NMI: variants seen among roughly 807,000 people sequenced by gnomAD.
NMI encodes the protein N-myc and STAT interactor.
A neutral mutation model predicts 34.3 loss-of-function variants in NMI; 39 were observed. The observed-to-expected ratio is 1.14, with a 90% confidence interval of 0.88 to 1.49. NMI has a LOEUF of 1.49. Among genes scored for constraint, NMI ranks in the 40% most tolerant of loss-of-function variants. NMI has a pLI of 0.00. For synonymous variants in NMI, 113 were observed against 120.3 expected (o/e 0.94, Z 0.40); for missense variants, 339 against 358.1 (o/e 0.95, Z 0.43).
rs774377504 is a variant in NMI, at chr2:151,282,945, C to T, written c.4G>A (p.Glu2Lys). The change falls in exon 2 of 8, where the codon GAA (glutamate) becomes AAA (lysine). Residue 2 changes from glutamate to lysine, a missense_variant. By Grantham distance (56) the Glu-to-Lys change is moderately conservative. Transcript: ENST00000243346. Reference sequence around the variant, plus strand: ...TGTTGTGTGTCATCTTTATCAGCTTCCATGATCCCCTAATATTATAAAAAA... The same window carrying T: ...TGTTGTGTGTCATCTTTATCAGCTTTCATGATCCCCTAATATTATAAAAAA... MEADKDDTQQIL... is the reference protein window; with the variant it reads MKADKDDTQQIL... The T allele has an allele frequency of 1.4e-6, 2 of 1,478,072 alleles. No homozygotes were observed. The highest frequency in any genetic ancestry group is 2.2e-5 in the Admixed American group (1 of 45,008). The allele number at this position is 1,478,072 out of a possible 1,614,324, so 91.6% of individuals were successfully genotyped here.
chr2:151,271,401 T>C (rs558442643), intron 7 of NMI, among the ~76,000 whole-genome samples: 15 of 152,348 alleles, frequency 9.8e-5, no homozygotes, highest in Admixed American at 7.8e-4. Context: ...TGCCATTATC[T>C]GAGTAATTTC....
intron 6 of NMI, among the ~76,000 whole-genome samples, chr2:151,274,577 G>A (rs574395316): frequency 6.6e-6 from 1 of 150,502 alleles, no homozygotes; most frequent in African/African-American, 2.4e-5. Flanking sequence ...CTGGGTTCAA[G>A]CTATTCTCCT....
Position 151,280,925 on chromosome 2 carries a change from C to G in NMI, c.177+1023G>C, listed in dbSNP as rs1342267805. On this transcript the variant is annotated intron_variant, in intron 3 of 7. Transcript: ENST00000243346. ...TGGTGTGATCTCAGCTCATCGCGACCTCCGCCTCCCAGGTTCAAGCAATTC... is the reference window on the plus strand; with the variant it reads ...TGGTGTGATCTCAGCTCATCGCGACGTCCGCCTCCCAGGTTCAAGCAATTC... 2.0e-5 allele frequency among the ~76,000 whole-genome samples: 3 copies of G among 152,108 alleles called. No individual in the cohort carries two copies. In the East Asian group the frequency reaches 5.8e-4, roughly 29 times the overall value.
chr2:151,284,201 C>CA (rs930782317), intron 1 of NMI, among the ~76,000 whole-genome samples: 11 of 151,838 alleles, frequency 7.2e-5, no homozygotes, highest in Admixed American at 2.0e-4. Context: ...ACTAAAAATA[C>CA]AAAAAAAATT....
In NMI at chr2:151,278,866, T is replaced by G. The variant is rs1683336291; in HGVS notation, c.302A>C (p.Gln101Pro). The G allele has an allele frequency of 6.2e-7, 1 of 1,613,682 alleles. No homozygotes were observed. The highest frequency in any genetic ancestry group is 1.3e-5 in the African/African-American group (1 of 75,060). Reference sequence around the variant, plus strand: ...AAAGGTGATAAGTGCTTGTCCTTTTTGTATCTCATAAGGAACTTTCGAGCT... The same window carrying G: ...AAAGGTGATAAGTGCTTGTCCTTTTGGTATCTCATAAGGAACTTTCGAGCT... ...QVSSKVPYEI[Q>P]KGQALITFEK... The change falls in exon 4 of 8, where the codon CAA (glutamine) becomes CCA (proline). Residue 101 changes from glutamine to proline, a missense_variant. Transcript: ENST00000243346.
intron 1 of NMI, among the ~76,000 whole-genome samples, chr2:151,283,888 C>T (rs1683449650): frequency 6.6e-6 from 1 of 152,180 alleles, no homozygotes; most frequent in South Asian, 2.1e-4. Flanking sequence ...CAATAGAAAG[C>T]ACAGATAGTT....
intron 3 of NMI, among the ~76,000 whole-genome samples, chr2:151,280,105 G>C (rs1340847777): frequency 1.3e-5 from 2 of 149,926 alleles, no homozygotes; most frequent in Admixed American, 6.8e-5. Flanking sequence ...TGAGGCAGGA[G>C]AATCGCTTGA....
chr2:151,276,477 A>G (rs1016564956), intron 4 of NMI, among the ~76,000 whole-genome samples: 2 of 152,176 alleles, frequency 1.3e-5, no homozygotes, highest in Admixed American at 6.5e-5. Context: ...GATAAGCCTA[A>G]CAATCTTCCA....
At chr2:151,280,098 G>A (rs1456842332) in intron 3 of NMI, among the ~76,000 whole-genome samples, 2 of 151,514 alleles carry the variant, frequency 1.3e-5, no homozygotes, top group Non-Finnish European at 1.5e-5. Context: ...AGGAGGCTGA[G>A]GCAGGAGAAT....
intron 1 of NMI, among the ~76,000 whole-genome samples, chr2:151,288,404 C>T (rs934758575): frequency 2.0e-5 from 3 of 152,138 alleles, no homozygotes; most frequent in Non-Finnish European, 4.4e-5. Context: ...GGAGGAAGGG[C>T]TGCTGAGCCA....
intron 1 of NMI, among the ~76,000 whole-genome samples, chr2:151,289,273 A>G (rs1573751100): frequency 1.3e-5 from 2 of 149,798 alleles, no homozygotes; most frequent in African/African-American, 5.0e-5. Flanking sequence ...AAAAAAAAAA[A>G]AAAGAGAGAA....
chr2:151,280,862 A>G (rs77624193), intron 3 of NMI, among the ~76,000 whole-genome samples: 1 of 119,736 alleles, frequency 8.4e-6, no homozygotes, highest in Non-Finnish European at 1.8e-5. Context: ...TTTTTTTTTT[A>G]GGCGGCGCCT....
chr2:151,271,490 A>C, intron 7 of NMI, 136 bp downstream of exon 7: 1 of 657,624 alleles, frequency 1.5e-6, no homozygotes, highest in South Asian at 1.8e-5. Flanking sequence ...TGCACCAAGC[A>C]AAAATGAAGT....
intron 2 of NMI, 40 bp downstream of exon 2, chr2:151,282,828 T>G: frequency 9.5e-7 from 1 of 1,053,360 alleles, no homozygotes; most frequent in African/African-American, 1.6e-5. Flanking sequence ...CTAATAGATA[T>G]AAAATAATTT....
At position 151,289,607 on chromosome 2, in the gene NMI, C is replaced by CT. The variant is rs1683584491; in HGVS notation, c.-22_-21insA. 6.6e-6 allele frequency: 1 copy of CT among 152,274 alleles called. No individual in the cohort carries two copies. Among genetic ancestry groups the CT allele is most frequent in the Non-Finnish European group, 1.5e-5 (1 of 68,100 alleles). The allele number at this position is 152,274 out of a possible 1,614,324, so 9.4% of individuals were successfully genotyped here. ...TCCCCACTCACCCGCGTCCGCCCGC[C>CT]GAGCGCAGCTCCCCAAGGCCCAGCG... On this transcript the variant is annotated 5_prime_UTR_variant, in exon 1 of 8. Transcript: ENST00000243346.
chr2:151,276,306 G>C (rs1417208462), intron 4 of NMI, among the ~76,000 whole-genome samples: 1 of 152,012 alleles, frequency 6.6e-6, no homozygotes, highest in African/African-American at 2.4e-5. Flanking sequence ...CTCCTGCATC[G>C]GACTCCCAGA....
intron 4 of NMI, among the ~76,000 whole-genome samples, chr2:151,276,242 C>T (rs772457888): frequency 3.9e-5 from 6 of 151,996 alleles, no homozygotes; most frequent in East Asian, 1.9e-4. Context: ...TTTGTAGAGA[C>T]GAGCTCTCAC....
chr2:151,277,180 C>CT (rs1683306717), intron 4 of NMI: 1 of 152,262 alleles, frequency 6.6e-6, no homozygotes, highest in Admixed American at 6.5e-5. Context: ...AAGGCAGGGC[C>CT]TTGGCCATGT....
chr2:151,289,095 A>G (rs1573750944), intron 1 of NMI: 1 of 152,190 alleles, frequency 6.6e-6, no homozygotes, highest in East Asian at 1.9e-4. Context: ...TACAAAAAAA[A>G]AAATTAGCCA....
Sources: gnomAD v4.1 joint callset for allele counts (sites outside exome capture counted in the v4.1 genomes callset) on GRCh38, gnomAD v4.1.1 for gene constraint, MANE v1.5 for transcripts, NCBI Gene and HGNC (gene_info 2026-07-23, HGNC 2026-07-21) for gene names.